The following BLTP1 variants were observed in gnomAD, a reference collection of about 807,000 sequenced individuals.
BLTP1 encodes the protein bridge-like lipid transfer protein family member 1, also known as fragile site-associated protein.
At chr4:122,271,539 G>T in the BLTP1 span, 1 of 1,613,246 alleles carries the variant, frequency 6.2e-7, no homozygotes, top group African/African-American at 1.3e-5. Context: ...TCTAGGAAAG[G>T]TTCAAAAGAT....
chr4:122,192,781 C>G, the BLTP1 span, among the ~76,000 whole-genome samples: 2 of 151,858 alleles, frequency 1.3e-5, no homozygotes, highest in South Asian at 4.2e-4. Context: ...GAAGAAAGAA[C>G]CAAAAGACTA....
At chr4:122,206,307 A>G in the BLTP1 span, among the ~76,000 whole-genome samples, 10 of 151,904 alleles carry the variant, frequency 6.6e-5, no homozygotes, top group African/African-American at 7.2e-5. Context: ...GCGAGATACC[A>G]TTTTTCAGTT....
chr4:122,336,824 T>C, the BLTP1 span: 1 of 1,521,330 alleles, frequency 6.6e-7, no homozygotes, highest in Non-Finnish European at 8.9e-7. Context: ...TAAGGATCTT[T>C]TAATAAATAG....
At chr4:122,359,089 CAAAA>C in the BLTP1 span, among the ~76,000 whole-genome samples, 143 of 144,762 alleles carry the variant, frequency 9.9e-4, no homozygotes, top group African/African-American at 3.4e-3. Flanking sequence ...AAAAAAAAAA[CAAAA>C]AAGGGAGCGG....
At chr4:122,309,503 A>G in the BLTP1 span, 3 of 1,564,188 alleles carry the variant, frequency 1.9e-6, no homozygotes, top group Non-Finnish European at 2.6e-6. Flanking sequence ...TTAGAACTTA[A>G]AAAATAAAAC....
chr4:122,242,308 A>C, the BLTP1 span, among the ~76,000 whole-genome samples: 1 of 152,158 alleles, frequency 6.6e-6, no homozygotes, highest in Non-Finnish European at 1.5e-5. Flanking sequence ...AAAAGTAGGA[A>C]ATCGTGTCAT....
chr4:122,344,574 A>G, the BLTP1 span: 8 of 1,537,432 alleles, frequency 5.2e-6, no homozygotes, highest in Middle Eastern at 1.7e-4. Flanking sequence ...ACTCAATTTT[A>G]TAGTTTTTAA....
chr4:122,179,902 G>T, the BLTP1 span: 2 of 985,072 alleles, frequency 2.0e-6, no homozygotes, highest in East Asian at 2.3e-4. Context: ...TACAGACAGG[G>T]GTACCATTCC....
At chr4:122,269,203 T>A in the BLTP1 span, 1 of 393,106 alleles carries the variant, frequency 2.5e-6, no homozygotes, top group Non-Finnish European at 3.5e-6. Context: ...CAGTCTATGT[T>A]TTCATATATA....
At chr4:122,227,916 AT>A in the BLTP1 span, among the ~76,000 whole-genome samples, 749 of 136,422 alleles carry the variant, frequency 5.5e-3, 2 homozygotes, top group African/African-American at 0.015. Context: ...TTGCATTAAA[AT>A]TTTTTTTTTT....
At chr4:122,230,850 C>T in the BLTP1 span, among the ~76,000 whole-genome samples, 1 of 151,940 alleles carries the variant, frequency 6.6e-6, no homozygotes, top group African/African-American at 2.4e-5. Context: ...ATGATCATAA[C>T]CCCACCATAT....
chr4:122,153,920 C>A, the BLTP1 span: 2 of 808,526 alleles, frequency 2.5e-6, no homozygotes, highest in Non-Finnish European at 3.0e-6. Flanking sequence ...GAGTTTCGTC[C>A]TGTTTGTGCA....
the BLTP1 span, among the ~76,000 whole-genome samples, chr4:122,293,875 C>T: frequency 6.6e-6 from 1 of 152,194 alleles, no homozygotes; most frequent in Non-Finnish European, 1.5e-5. Flanking sequence ...CAGGTCTAGC[C>T]TGCCTGCTCC....
At chr4:122,287,677 T>G in the BLTP1 span, 1 of 985,110 alleles carries the variant, frequency 1.0e-6, no homozygotes, top group African/African-American at 1.7e-5. Context: ...ATAGAAATAT[T>G]ATAACTGCGG....
the BLTP1 span, among the ~76,000 whole-genome samples, chr4:122,220,116 G>GT: frequency 6.6e-6 from 1 of 152,204 alleles, no homozygotes; most frequent in Non-Finnish European, 1.5e-5. Context: ...TGTGTGTCCG[G>GT]GTTGCAGTGG....
the BLTP1 span, chr4:122,234,743 GT>G: frequency 6.5e-7 from 1 of 1,538,442 alleles, no homozygotes; most frequent in African/African-American, 1.4e-5. Flanking sequence ...TTATGTTGTT[GT>G]TTTTTGTTTT....
the BLTP1 span, among the ~76,000 whole-genome samples, chr4:122,255,677 T>C: frequency 3.3e-5 from 5 of 152,158 alleles, no homozygotes; most frequent in South Asian, 8.3e-4. Context: ...AATACAAGTC[T>C]ATAGACAAAG....
chr4:122,314,340 G>A, the BLTP1 span, among the ~76,000 whole-genome samples: 1 of 152,224 alleles, frequency 6.6e-6, no homozygotes, highest in African/African-American at 2.4e-5. Flanking sequence ...GATTTGGTGG[G>A]TAGTGAGTAG....
the BLTP1 span, chr4:122,186,052 C>A: frequency 1.9e-6 from 3 of 1,574,408 alleles, no homozygotes; most frequent in East Asian, 4.6e-5. Flanking sequence ...AGGCAGAAAC[C>A]AGGTTATACA....
Sources: gnomAD v4.1 joint callset for allele counts (sites outside exome capture counted in the v4.1 genomes callset) on GRCh38, gnomAD v4.1.1 for gene constraint, MANE v1.5 for transcripts, NCBI Gene and HGNC (gene_info 2026-07-23, HGNC 2026-07-21) for gene names.